SLC2A11: variants seen among roughly 807,000 people sequenced by gnomAD.
SLC2A11 encodes the protein solute carrier family 2, facilitated glucose transporter member 11.
In SLC2A11, 43 loss-of-function variants were observed where a neutral mutation model predicts 52.1. That is an observed-to-expected ratio of 0.82 (90% CI 0.65 to 1.06). The LOEUF (loss-of-function observed/expected upper bound fraction) is 1.06, where lower values mean the gene tolerates loss of function less well. Ranked by LOEUF, SLC2A11 falls within the 50% of genes least tolerant of loss-of-function variation. SLC2A11 has a pLI of 0.00. For missense variants in SLC2A11, 582 were observed against 654.2 expected, an observed-to-expected ratio of 0.89 and a Z score of 1.20; for synonymous variants, 261 against 277.6, an observed-to-expected ratio of 0.94 and a Z score of 0.59.
In SLC2A11 at chr22:23,862,184, C is replaced by T. The variant is rs1174763989; in HGVS notation, c.111C>T (p.Ile37=). ...GTFQFGYNLS[I]INAPTLHIQE... is the part of the protein sequence containing the mutation. ...TTCAGTTTGGCTATAACCTCTCTAT[C>T]ATCAATGCCCCGACCTTGGTATGTA... Residue 37 remains isoleucine (I), a synonymous_variant, in exon 2 of 12, where the codon ATC becomes ATT. Coordinates refer to ENST00000316185, the MANE Select transcript of SLC2A11 (RefSeq NM_001024939.4). The T allele has an allele frequency of 1.2e-6, 2 of 1,614,074 alleles. No homozygotes were observed. Among genetic ancestry groups the T allele is most frequent in the East Asian group, 2.2e-5 (1 of 44,884 alleles).
intron 3 of SLC2A11, chr22:23,871,735 C>G (rs1484972923): frequency 1.3e-5 from 2 of 151,422 alleles, no homozygotes; most frequent in Non-Finnish European, 1.5e-5. Context: ...GAGCAAGACT[C>G]TGTCTCAAAA....
intron 1 of SLC2A11, among the ~76,000 whole-genome samples, chr22:23,860,339 A>G (rs1026859711): frequency 4.6e-5 from 7 of 152,084 alleles, no homozygotes; most frequent in African/African-American, 1.7e-4. Context: ...GCTTGAGCCC[A>G]GGAGGTTGAG....
chr22:23,875,035 C>T, intron 3 of SLC2A11, 82 bp from the exon 4 acceptor site: 2 of 1,378,874 alleles, frequency 1.5e-6, no homozygotes, highest in Non-Finnish European at 1.9e-6. Context: ...AGGCTTGTTA[C>T]AGTTGCAAAG....
intron 2 of SLC2A11, chr22:23,866,804 A>C (rs1010121802): frequency 2.0e-5 from 3 of 152,506 alleles, no homozygotes; most frequent in African/African-American, 7.2e-5. Flanking sequence ...TGTTAGTTTC[A>C]GCTACTCAGG....
intron 6 of SLC2A11, among the ~76,000 whole-genome samples, chr22:23,878,363 G>T (rs897363270): frequency 6.6e-6 from 1 of 151,960 alleles, no homozygotes; most frequent in Admixed American, 6.6e-5. Flanking sequence ...CGGGGGAGGG[G>T]GGCAGTGGTG....
chr22:23,877,781 G>A lies in SLC2A11; in HGVS notation c.606G>A (p.Gly202=). The A allele has an allele frequency of 6.2e-7, 1 of 1,609,138 alleles. No homozygotes were observed. Among genetic ancestry groups the A allele is most frequent in the Non-Finnish European group, 8.5e-7 (1 of 1,178,004 alleles). The stretch of plus-strand genomic sequence containing the variant: ...TGCTGGCCAGCTGCCTGGTGCCCGG[G>A]GCGCTCCAGCTCGCCTCCCTGCCTC... The part of the protein sequence containing the change: ...PLLLASCLVP[G]ALQLASLPLL... Residue 202 remains glycine, a synonymous_variant, in exon 6 of 12, where the codon GGG becomes GGA. Transcript: ENST00000316185.
chr22:23,857,829 C>T (rs1035566914), upstream of SLC2A11: 32 of 1,479,254 alleles, frequency 2.2e-5, no homozygotes, highest in Admixed American at 2.4e-5. Flanking sequence ...AGCTTCGTCT[C>T]GACGGGTTTG....
chr22:23,857,625 C>G (rs374224969), upstream of SLC2A11: 6 of 1,033,208 alleles, frequency 5.8e-6, no homozygotes, highest in African/African-American at 8.3e-5. Flanking sequence ...GGGGCGAACT[C>G]CCCAGCACCC....
At chr22:23,882,961 T>C (rs1270059825) in intron 8 of SLC2A11, 92 bp downstream of exon 8, 1 of 1,218,920 alleles carries the variant, frequency 8.2e-7, no homozygotes, top group Admixed American at 2.0e-5. Flanking sequence ...CAGCTTATGG[T>C]GTTAAAATGC....
Position 23,884,244 on chromosome 22 carries a change from G to T in SLC2A11, c.1172-58G>T. 6.4e-7 allele frequency: 1 copy of T among 1,573,172 alleles called. No individual in the cohort carries two copies. The highest frequency in any genetic ancestry group is 1.3e-5 in the African/African-American group (1 of 74,168). On this transcript the variant is annotated intron_variant, in intron 10 of 11. Transcript: ENST00000316185. This position sits in a 1 kb window ranked among gnomAD's most constrained non-coding sequence, Gnocchi z 4.3. ...CACTCCCATGTCTGGGCTGGGGTCGGGGAGAGGCAGGCAGGGAACCCTGGC... is the reference window on the plus strand; with the variant it reads ...CACTCCCATGTCTGGGCTGGGGTCGTGGAGAGGCAGGCAGGGAACCCTGGC...
intron 6 of SLC2A11, 130 bp from the exon 7 acceptor site, chr22:23,882,329 C>T: frequency 1.3e-6 from 1 of 792,528 alleles, no homozygotes; most frequent in South Asian, 1.8e-5. Context: ...CACACACACA[C>T]ACAGACAGAC....
Position 23,883,796 on chromosome 22 carries a change from C to T in SLC2A11, c.1018C>T (p.Arg340Trp), listed in dbSNP as rs553658890. 3.2e-5 allele frequency: 49 copies of T among 1,548,212 alleles called. No homozygotes were observed. Among genetic ancestry groups the T allele is most frequent in the Non-Finnish European group, 3.6e-5 (42 of 1,150,960 alleles). Reference sequence around the variant, plus strand: ...GTGTGTGGTAATCGAGAGGGTGGGTCGGCGCGTGCTGCTCATCGGTGGGTA... The same window carrying T: ...GTGTGTGGTAATCGAGAGGGTGGGTTGGCGCGTGCTGCTCATCGGTGGGTA... The part of the protein sequence containing the change: ...VSCVVIERVG[R>W]RVLLIGGYSL... Residue 340 changes from arginine (R) to tryptophan (W), a missense_variant, in exon 9 of 12, where the codon CGG becomes TGG. Transcript: ENST00000316185.
At chr22:23,882,429 G>A (rs2032844544) in intron 6 of SLC2A11, 30 bp from the exon 7 acceptor site, 2 of 1,489,046 alleles carry the variant, frequency 1.3e-6, no homozygotes, top group Non-Finnish European at 1.8e-6. Context: ...CTTGGGGACG[G>A]GGAGCTCAGT....
In SLC2A11 at chr22:23,884,223, C is replaced by T; in HGVS notation, c.1172-79C>T. On this transcript the variant is annotated intron_variant, in intron 10 of 11. Transcript: ENST00000316185. The surrounding 1 kb of genome is among the most constrained non-coding windows in gnomAD (Gnocchi z 4.3). ...TACAGACTGGGCCTGGGCTCCCACT[C>T]CCATGTCTGGGCTGGGGTCGGGGAG... The T allele has an allele frequency of 1.3e-6, 2 of 1,536,838 alleles. No individual in the cohort carries two copies. Among genetic ancestry groups the T allele is most frequent in the South Asian group, 2.5e-5 (2 of 81,316 alleles).
chr22:23,857,959 T>G lies in SLC2A11; in HGVS notation c.-41T>G. On this transcript the variant is annotated 5_prime_UTR_variant, in exon 1 of 12. Coordinates refer to ENST00000316185, the MANE Select transcript of SLC2A11 (RefSeq NM_001024939.4). Reference sequence around the variant, plus strand: ...CCGCTTGCTAATGGCAGCCGGGGTCTCCCTGGGACAGCAAGACCTCCGCTC... The same window carrying G: ...CCGCTTGCTAATGGCAGCCGGGGTCGCCCTGGGACAGCAAGACCTCCGCTC... 3.1e-6 allele frequency: 5 copies of G among 1,590,778 alleles called. No homozygotes were observed. Among genetic ancestry groups the G allele is most frequent in the Non-Finnish European group, 4.3e-6 (5 of 1,170,482 alleles).
At chr22:23,867,775 G>A (rs1264362029) in intron 2 of SLC2A11, 2 of 470,102 alleles carry the variant, frequency 4.3e-6, no homozygotes, top group Non-Finnish European at 8.8e-6. Flanking sequence ...TTGAGGTGCT[G>A]GGAAGGTGGT....
intron 2 of SLC2A11, among the ~76,000 whole-genome samples, chr22:23,864,978 T>A (rs1184714522): frequency 4.6e-5 from 7 of 151,614 alleles, no homozygotes. Flanking sequence ...CATGGTGGCA[T>A]GTGCCGTGAT....
chr22:23,862,148 T>C lies in SLC2A11; in HGVS notation c.75T>C (p.Ile25=). Residue 25 remains isoleucine, a synonymous_variant, in exon 2 of 12, where the codon ATT becomes ATC. Coordinates refer to ENST00000316185, the MANE Select transcript of SLC2A11 (RefSeq NM_001024939.4). ...ILLLTICAAG[I]GGTFQFGYNL... is the part of the protein sequence containing the mutation. ...TCCTGACCATCTGCGCTGCCGGCAT[T>C]GGTGGGACTTTTCAGTTTGGCTATA... 6.2e-7 allele frequency: 1 copy of C among 1,614,140 alleles called. No individual in the cohort carries two copies. The highest frequency in any genetic ancestry group is 8.5e-7 in the Non-Finnish European group (1 of 1,180,002).
Position 23,884,766 on chromosome 22 carries a change from G to A in SLC2A11, c.1417G>A (p.Glu473Lys), listed in dbSNP as rs776167108. The A allele has an allele frequency of 1.9e-6, 3 of 1,614,126 alleles. No homozygotes were observed. The highest frequency in any genetic ancestry group is 1.7e-6 in the Non-Finnish European group (2 of 1,180,034). The part of the protein sequence containing the change: ...KGKTFQEISK[E>K]LHRLNFPRRA... ...CAAGACCTTCCAAGAGATCTCCAAG[G>A]AATTACACAGACTCAACTTCCCCAG... is the stretch of plus-strand genomic sequence containing the variant. Residue 473 changes from glutamate (E) to lysine (K), a missense_variant, in exon 12 of 12, where the codon GAA becomes AAA. Transcript: ENST00000316185. This position sits in a 1 kb window ranked among gnomAD's most constrained non-coding sequence, Gnocchi z 4.3.
Sources: gnomAD v4.1 joint callset for allele counts (sites outside exome capture counted in the v4.1 genomes callset) on GRCh38, gnomAD v4.1.1 for gene constraint, Gnocchi (gnomAD v3.1) non-coding constraint, MANE v1.5 for transcripts, NCBI Gene and HGNC (gene_info 2026-07-23, HGNC 2026-07-21) for gene names.